SYBU: variants seen among roughly 807,000 people sequenced by gnomAD.
SYBU encodes the protein syntabulin, also known as GOLSYN A protein.
SYBU carries 21 observed loss-of-function variants against 35.9 expected under a neutral mutation model. The ratio of observed to expected loss-of-function variants is 0.58; its 90% confidence interval spans 0.41 to 0.84. The LOEUF (loss-of-function observed/expected upper bound fraction) is 0.84, where lower values mean the gene tolerates loss of function less well. SYBU is among the 40% of genes least tolerant of loss of function. The pLI is 0.00. For synonymous variants in SYBU, 319 were observed against 324.3 expected (o/e 0.98, Z 0.18); for missense variants, 768 against 848.2 (o/e 0.91, Z 1.17).
intron 3 of SYBU, among the ~76,000 whole-genome samples, chr8:109,599,868 TCA>T (rs1296614918): frequency 2.6e-5 from 4 of 152,214 alleles, no homozygotes; most frequent in Non-Finnish European, 4.4e-5. Context: ...ATGGAACCAT[TCA>T]CAGTTTCCTG....
At chr8:109,690,178 A>G (rs908107327) in intron 1 of SYBU, among the ~76,000 whole-genome samples, 2 of 152,190 alleles carry the variant, frequency 1.3e-5, no homozygotes, top group African/African-American at 4.8e-5. Context: ...CAAAATCTGC[A>G]CTATGATAAT....
chr8:109,671,208 A>G (rs1418579138), intron 1 of SYBU, among the ~76,000 whole-genome samples: 2 of 152,176 alleles, frequency 1.3e-5, no homozygotes, highest in Non-Finnish European at 1.5e-5. Context: ...ATTAAATTCA[A>G]GACAAATCTT....
At chr8:109,645,596 C>T, upstream of SYBU, 1 of 276,092 alleles carries the variant, frequency 3.6e-6, no homozygotes, top group Non-Finnish European at 7.2e-6. Flanking sequence ...GCCTGAGTGC[C>T]TTTATGCCTA....
rs1327465654 is a variant in SYBU, at chr8:109,579,924, G to A, written c.609C>T (p.Asp203=). 1.9e-6 allele frequency: 3 copies of A among 1,614,000 alleles called. No homozygotes were observed. Among genetic ancestry groups the A allele is most frequent in the Non-Finnish European group, 2.5e-6 (3 of 1,180,022 alleles). Reference sequence around the variant, plus strand: ...GATTCCTGCACAGCATGGACAGAAGGTCCTTTTCCCGCGGGGATGATGGGC... The same window carrying A: ...GATTCCTGCACAGCATGGACAGAAGATCCTTTTCCCGCGGGGATGATGGGC... ...GSSPSSPREK[D]LLSMLCRNQL... The change falls in exon 5 of 7, where the codon GAC becomes GAT. Residue 203 remains aspartate (D), a synonymous_variant. Transcript: ENST00000276646.
At chr8:109,682,937 A>C (rs947166838), upstream of SYBU, among the ~76,000 whole-genome samples, 1 of 152,264 alleles carries the variant, frequency 6.6e-6, no homozygotes, top group African/African-American at 2.4e-5. Flanking sequence ...GCAAGCCCCA[A>C]GCCTTGGCAC....
intron 3 of SYBU, among the ~76,000 whole-genome samples, chr8:109,598,587 A>T (rs1825154876): frequency 6.6e-6 from 1 of 152,240 alleles, no homozygotes; most frequent in African/African-American, 2.4e-5. Context: ...ACTCATCATC[A>T]TCATCATCAT....
intron 4 of SYBU, chr8:109,585,781 G>A (rs1328325509): frequency 9.0e-6 from 4 of 443,174 alleles, no homozygotes; most frequent in Non-Finnish European, 1.6e-5. Context: ...GTACACAGGT[G>A]AGTAAGGGAA....
Position 109,618,924 on chromosome 8 carries a change from T to C in SYBU, c.345A>G (p.Lys115=). The change falls in exon 3 of 7, where the codon AAA becomes AAG. Residue 115 remains lysine, a synonymous_variant. Coordinates refer to ENST00000276646, the MANE Select transcript of SYBU (RefSeq NM_001099754.2). ...PGSDEGFTRK[K]CTIGMVGEGS... ...CTTCACCAACCATTCCAATCGTGCA[T>C]TTCTTTCTGGTGAAGCCTTCATCAC... 1 of 1,614,206 alleles carries C rather than the reference T, an allele frequency of 6.2e-7. No homozygotes were observed. Among genetic ancestry groups the C allele is most frequent in the Non-Finnish European group, 8.5e-7 (1 of 1,180,022 alleles).
At position 109,641,301 on chromosome 8, in the gene SYBU, G is replaced by A. The variant is rs571585848; in HGVS notation, c.229+1427C>T. On this transcript the variant is annotated intron_variant, in intron 2 of 6. Transcript: ENST00000276646. ...ACTTTAAGGAAACTTTCTTAATCACGTGCCCAAACAGACATCCATAGTTCC... is the reference window on the plus strand; with the variant it reads ...ACTTTAAGGAAACTTTCTTAATCACATGCCCAAACAGACATCCATAGTTCC... Among the ~76,000 whole-genome samples, 4 of 152,254 alleles carry A rather than the reference G, an allele frequency of 2.6e-5. No homozygotes were observed. In the East Asian group the frequency reaches 7.7e-4, roughly 29 times the overall value.
At chr8:109,643,307 G>T (rs2130651203) in intron 1 of SYBU, 2 of 408,700 alleles carry the variant, frequency 4.9e-6, no homozygotes, top group Non-Finnish European at 6.7e-6. Flanking sequence ...CCACACTCTG[G>T]CTTACTTGAT....
intron 2 of SYBU, among the ~76,000 whole-genome samples, chr8:109,638,151 C>T (rs920544415): frequency 2.0e-5 from 3 of 152,154 alleles, no homozygotes; most frequent in Admixed American, 6.5e-5. Context: ...GTTTACAAGG[C>T]GCCCCAAGGA....
intron 2 of SYBU, among the ~76,000 whole-genome samples, chr8:109,628,817 T>C (rs1813266144): frequency 6.8e-6 from 1 of 147,146 alleles, no homozygotes; most frequent in Non-Finnish European, 1.5e-5. Context: ...GTGACATCCG[T>C]CTCAAAAAAA....
chr8:109,641,618 C>T (rs1166012802), intron 2 of SYBU, among the ~76,000 whole-genome samples: 1 of 152,242 alleles, frequency 6.6e-6, no homozygotes, highest in Non-Finnish European at 1.5e-5. Context: ...TAGGCTATAA[C>T]TCTCCTTGAT....
At chr8:109,665,253 T>C (rs895223213) in intron 1 of SYBU, among the ~76,000 whole-genome samples, 3 of 152,216 alleles carry the variant, frequency 2.0e-5, no homozygotes, top group African/African-American at 4.8e-5. Context: ...GTTGGCTTTT[T>C]TTGGCCAAGC....
chr8:109,609,450 C>CA lies in SYBU; in HGVS notation c.427+9391dup, dbSNP rs1003157128. 6.6e-5 allele frequency among the ~76,000 whole-genome samples: 10 copies of CA among 152,164 alleles called. No homozygotes were observed. In the East Asian group the frequency reaches 1.3e-3, roughly 20 times the overall value. ...GTCAGTGGCTAAGTTGTAGCAATCA[C>CA]AAAAACCTATATTCCTTTTTGCTCT... is the stretch of plus-strand genomic sequence containing the variant. On this transcript the variant is annotated intron_variant, in intron 3 of 6. Transcript: ENST00000276646.
chr8:109,609,538 T>C (rs1246337237), intron 3 of SYBU, among the ~76,000 whole-genome samples: 3 of 152,222 alleles, frequency 2.0e-5, no homozygotes, highest in Admixed American at 2.0e-4. Context: ...TACAAGAATA[T>C]ATGAATATAC....
At chr8:109,646,631 T>C (rs934836204), upstream of SYBU, 3 of 152,240 alleles carry the variant, frequency 2.0e-5, no homozygotes, top group African/African-American at 7.2e-5. Context: ...ATTCCTAAAA[T>C]TATGAGCCTG....
At chr8:109,630,309 A>G (rs1213002105) in intron 2 of SYBU, among the ~76,000 whole-genome samples, 2 of 148,468 alleles carry the variant, frequency 1.3e-5, no homozygotes, top group Non-Finnish European at 3.0e-5. Flanking sequence ...GCATTGGGAG[A>G]TATACCTAAT....
intron 1 of SYBU, among the ~76,000 whole-genome samples, chr8:109,660,668 T>C (rs900786584): frequency 6.6e-6 from 1 of 152,210 alleles, no homozygotes; most frequent in African/African-American, 2.4e-5. Flanking sequence ...CATCTATTAA[T>C]TAATACTATT....
Sources: gnomAD v4.1 joint callset for allele counts (sites outside exome capture counted in the v4.1 genomes callset) on GRCh38, gnomAD v4.1.1 for gene constraint, MANE v1.5 for transcripts, NCBI Gene and HGNC (gene_info 2026-07-23, HGNC 2026-07-21) for gene names.